The following ITGB2 variants were observed in gnomAD, a reference collection of about 807,000 sequenced individuals.
The protein encoded by ITGB2 is integrin subunit beta 2, also known as integrin beta-2.
In ITGB2, 56 loss-of-function variants were observed where a neutral mutation model predicts 86.8. The ratio of observed to expected loss-of-function variants is 0.65; its 90% CI spans 0.52 to 0.81. The LOEUF (loss-of-function observed/expected upper bound fraction) is 0.81, where lower values mean the gene tolerates loss of function less well. ITGB2 is among the 30% of genes least tolerant of loss of function. The pLI, the probability that ITGB2 is intolerant of heterozygous loss-of-function variation, is 0.00. For missense variants in ITGB2, 948 were observed against 1,061.2 expected (o/e 0.89, Z 1.48); for synonymous variants, 457 against 450.4 (o/e 1.01, Z -0.19).
chr21:44,905,237 C>T (rs1801644457), intron 4 of ITGB2, among the ~76,000 whole-genome samples: 1 of 152,134 alleles, frequency 6.6e-6, no homozygotes, highest in Admixed American at 6.5e-5. Flanking sequence ...TTCCCAGATC[C>T]TGCCGCCCTG....
At chr21:44,908,191 CG>C in intron 3 of ITGB2, 1 of 711,344 alleles carries the variant, frequency 1.4e-6, no homozygotes, top group Non-Finnish European at 2.6e-6. Flanking sequence ...CCCTGTGGGA[CG>C]CAAAATTGAG....
In ITGB2 at chr21:44,886,778, G is replaced by A; in HGVS notation, c.2205C>T (p.Tyr735=). The change falls in exon 15 of 16, where the codon TAC becomes TAT. Residue 735 remains tyrosine (Y), a synonymous_variant. Coordinates refer to ENST00000652462, the MANE Select transcript of ITGB2 (RefSeq NM_000211.5). ...ALIHLSDLRE[Y]RRFEKEKLKS... is the part of the protein sequence containing the mutation. ...TGAGCTTCTCCTTCTCAAAGCGCCT[G>A]TACTCCCGGAGGTCGCTCAGGTGGA... The A allele has an allele frequency of 3.7e-6, 6 of 1,614,058 alleles. No individual in the cohort carries two copies. Among genetic ancestry groups the A allele is most frequent in the South Asian group, 1.1e-5 (1 of 91,078 alleles).
chr21:44,910,948 G>T (rs2084122631), intron 1 of ITGB2, 163 bp from the exon 2 acceptor site: 1 of 671,530 alleles, frequency 1.5e-6, no homozygotes, highest in African/African-American at 1.8e-5. Flanking sequence ...GGGCCCAGCT[G>T]CCAACAGCCA....
chr21:44,893,668 A>G lies in ITGB2; in HGVS notation c.1084-124T>C. The G allele has an allele frequency of 3.1e-6, 4 of 1,299,880 alleles. No homozygotes were observed. In the South Asian group the frequency reaches 4.8e-5, roughly 16 times the overall value. 80.5% of individuals were successfully genotyped at this position (1,299,880 alleles called of 1,614,324 possible). ...TGCAAGTCCCCAGTGTCAGCTAATG[A>G]CACAGAGGAGAGCACAGCAGGATGT... On this transcript the variant is annotated intron_variant, in intron 9 of 15. Coordinates refer to ENST00000652462, the MANE Select transcript of ITGB2 (RefSeq NM_000211.5).
chr21:44,921,881 G>A (rs532851927), upstream of ITGB2, among the ~76,000 whole-genome samples: 21 of 152,144 alleles, frequency 1.4e-4, no homozygotes, highest in South Asian at 3.1e-3. Context: ...GTACCACCAC[G>A]CCTGGGTAAT....
chr21:44,894,041 A>G, intron 9 of ITGB2: 3 of 256,436 alleles, frequency 1.2e-5, no homozygotes, highest in East Asian at 9.3e-5. Flanking sequence ...ACAAAGACTG[A>G]GAGACAGACG....
intron 5 of ITGB2, among the ~76,000 whole-genome samples, chr21:44,903,094 C>G (rs2083989319): frequency 6.6e-6 from 1 of 152,202 alleles, no homozygotes; most frequent in Non-Finnish European, 1.5e-5. Flanking sequence ...GTCTTTTAAA[C>G]ATACCAAGAA....
At chr21:44,906,490 T>C (rs1400845376) in intron 4 of ITGB2, among the ~76,000 whole-genome samples, 1 of 152,096 alleles carries the variant, frequency 6.6e-6, no homozygotes, top group African/African-American at 2.4e-5. Context: ...AAACAGGTGC[T>C]CTGGTCAAGT....
At chr21:44,886,939 C>A in intron 14 of ITGB2, 37 bp from the exon 15 acceptor site, 1 of 1,607,888 alleles carries the variant, frequency 6.2e-7, no homozygotes, top group African/African-American at 1.3e-5. Context: ...GTCAGTCCAG[C>A]CCCATCTCAC....
intron 11 of ITGB2, among the ~76,000 whole-genome samples, chr21:44,891,596 G>T (rs1244128155): frequency 6.6e-6 from 1 of 152,198 alleles, no homozygotes; most frequent in Non-Finnish European, 1.5e-5. Flanking sequence ...GGCATTGCTG[G>T]TGCCCTGGCT....
intron 4 of ITGB2, 61 bp from the exon 5 acceptor site, chr21:44,903,596 G>T (rs141171105): frequency 1.2e-6 from 2 of 1,601,112 alleles, no homozygotes; most frequent in Non-Finnish European, 1.7e-6. Context: ...GTGTCTGGGG[G>T]CGTGTGGCCC....
chr21:44,902,954 C>T (rs1468168571), intron 5 of ITGB2, among the ~76,000 whole-genome samples: 1 of 152,238 alleles, frequency 6.6e-6, no homozygotes. Flanking sequence ...TGTGGCAAGG[C>T]AGTGCTGGTG....
chr21:44,895,818 G>C (rs2083856181), intron 8 of ITGB2, among the ~76,000 whole-genome samples: 1 of 137,748 alleles, frequency 7.3e-6, no homozygotes, highest in African/African-American at 2.6e-5. Flanking sequence ...GGCAACAAGA[G>C]CAAAACTCTG....
chr21:44,913,955 G>T (rs1341860526), intron 1 of ITGB2, among the ~76,000 whole-genome samples: 1 of 152,130 alleles, frequency 6.6e-6, no homozygotes, highest in African/African-American at 2.4e-5. Flanking sequence ...TAAGCCGGCA[G>T]AGCTGCAGGG....
chr21:44,910,206 G>A, intron 3 of ITGB2, 78 bp downstream of exon 3: 3 of 1,548,090 alleles, frequency 1.9e-6, no homozygotes, highest in Non-Finnish European at 2.6e-6. Context: ...GGTCCTCTGG[G>A]TGCCACTGGC....
Position 44,899,916 on chromosome 21 carries a change from G to A in ITGB2, c.897+404C>T, listed in dbSNP as rs569764330. On this transcript the variant is annotated intron_variant, in intron 7 of 15. Transcript: ENST00000652462. ...GGCGGACTCAGGGGCAGCAGGGAAC[G>A]TACAGTGGAGGCCGGGAGGGGGAGG... Among the ~76,000 whole-genome samples the A allele has an allele frequency of 4.1e-3, 630 of 152,354 alleles. 4 individuals carry two copies. Among genetic ancestry groups the A allele is most frequent in the African/African-American group, 0.013 (557 of 41,576 alleles).
intron 1 of ITGB2, among the ~76,000 whole-genome samples, chr21:44,917,998 C>T (rs949903286): frequency 6.6e-6 from 1 of 152,232 alleles, no homozygotes; most frequent in African/African-American, 2.4e-5. Flanking sequence ...ATGCAACCAC[C>T]TAATCAATGC....
intron 1 of ITGB2, among the ~76,000 whole-genome samples, chr21:44,915,542 A>G (rs1360856148): frequency 6.6e-6 from 1 of 152,230 alleles, no homozygotes; most frequent in African/African-American, 2.4e-5. Flanking sequence ...TGGAAGGAAG[A>G]GGACATGGGA....
At chr21:44,917,420 T>C (rs754736201) in intron 1 of ITGB2, among the ~76,000 whole-genome samples, 14 of 152,262 alleles carry the variant, frequency 9.2e-5, no homozygotes, top group Non-Finnish European at 1.5e-4. Context: ...CTTTTTGTGA[T>C]AAATGAATAA....
Sources: allele counts gnomAD v4.1 joint callset (sites outside exome capture counted in the v4.1 genomes callset), GRCh38; gene constraint gnomAD v4.1.1; transcripts MANE v1.5; gene names NCBI Gene and HGNC (gene_info 2026-07-23, HGNC 2026-07-21).